Variants in COL4A5 observed in about 807,000 individuals in gnomAD.
COL4A5 encodes collagen type IV alpha 5 chain, also known as collagen alpha-5(IV) chain.
In COL4A5, 26 loss-of-function variants were observed where a neutral mutation model predicts 130.2. The observed-to-expected ratio is 0.20, with a 90% CI of 0.15 to 0.28. COL4A5 has a LOEUF of 0.28. Ranked by LOEUF, COL4A5 falls within the 10% of genes least tolerant of loss-of-function variation. COL4A5 has a pLI of 1.00. For synonymous variants in COL4A5, 496 were observed against 439.6 expected, an observed-to-expected ratio of 1.13 and a Z score of -1.60; for missense variants, 1,131 against 1,344.3, an observed-to-expected ratio of 0.84 and a Z score of 2.48.
At chrX:108,529,968 A>T (rs2065364300) in intron 1 of COL4A5, among the ~76,000 whole-genome samples, 1 of 111,218 alleles carries the variant, frequency 9.0e-6, no homozygotes, top group Admixed American at 9.6e-5. Context: ...GGGTTTCAAC[A>T]CTCCACTCTC....
At chrX:108,460,960 A>G (rs1416729664) in intron 1 of COL4A5, among the ~76,000 whole-genome samples, 1 of 110,165 alleles carries the variant, frequency 9.1e-6, no homozygotes, top group Admixed American at 9.7e-5. Flanking sequence ...TAGACATATC[A>G]TTTTTCTCCA....
intron 42 of COL4A5, chrX:108,670,642 T>G: frequency 3.0e-6 from 1 of 334,079 alleles, no homozygotes; most frequent in Non-Finnish European, 5.8e-6. Flanking sequence ...TATCAGATCT[T>G]GAAAATATGT....
chrX:108,678,724 A>G (rs2068361364), intron 44 of COL4A5, among the ~76,000 whole-genome samples: 2 of 111,023 alleles, frequency 1.8e-5, no homozygotes, highest in African/African-American at 6.5e-5. Flanking sequence ...TTATATAACC[A>G]CAGTACACTT....
intron 1 of COL4A5, among the ~76,000 whole-genome samples, chrX:108,473,007 G>A (rs2064789752): frequency 9.0e-6 from 1 of 111,714 alleles, no homozygotes; most frequent in Non-Finnish European, 1.9e-5. Flanking sequence ...CATTTCTCTG[G>A]TGATTAAAGA....
chrX:108,581,658 G>A (rs73526290), intron 16 of COL4A5, among the ~76,000 whole-genome samples: 11,517 of 110,102 alleles, frequency 0.1, 1,303 homozygotes, highest in African/African-American at 0.34. Flanking sequence ...GTAGCCTTTC[G>A]AATCAGGATC....
chrX:108,571,716 G>C (rs2066067462), intron 7 of COL4A5, 95 bp from the exon 8 acceptor site: 2 of 668,893 alleles, frequency 3.0e-6, no homozygotes, highest in Non-Finnish European at 4.8e-6. Context: ...CGCTACAGCA[G>C]TCTACTCATT....
intron 1 of COL4A5, among the ~76,000 whole-genome samples, chrX:108,446,444 T>G (rs2064452936): frequency 8.9e-6 from 1 of 112,153 alleles, no homozygotes; most frequent in Admixed American, 9.5e-5. Flanking sequence ...TACAGCCGCC[T>G]TCATGGGGAA....
chrX:108,499,901 A>C (rs2065064944), intron 1 of COL4A5, among the ~76,000 whole-genome samples: 1 of 111,775 alleles, frequency 8.9e-6, no homozygotes, highest in African/African-American at 3.2e-5. Context: ...TAATAAATAC[A>C]TGTATGTATA....
chrX:108,662,005 G>A (rs889059707), intron 37 of COL4A5, among the ~76,000 whole-genome samples: 2 of 108,153 alleles, frequency 1.8e-5, no homozygotes, highest in Non-Finnish European at 3.8e-5. Flanking sequence ...CATGTGCCAT[G>A]TTGGTGTGCT....
At chrX:108,606,654 A>G in intron 28 of COL4A5, 88 bp from the exon 29 acceptor site, 1 of 1,016,795 alleles carries the variant, frequency 9.8e-7, no homozygotes. Context: ...ATTGTCTTGT[A>G]TTTTCGGCAT....
chrX:108,663,655 G>T (rs969465399), intron 37 of COL4A5, among the ~76,000 whole-genome samples: 3 of 109,483 alleles, frequency 2.7e-5, no homozygotes, highest in Admixed American at 9.9e-5. Context: ...CTTAGGTGAT[G>T]GTTTGATAGG....
chrX:108,590,458 G>C (rs2066413663), intron 19 of COL4A5, among the ~76,000 whole-genome samples: 1 of 111,223 alleles, frequency 9.0e-6, no homozygotes, highest in South Asian at 3.7e-4. Flanking sequence ...TACTTGATGT[G>C]AAAAACCAAT....
intron 37 of COL4A5, among the ~76,000 whole-genome samples, chrX:108,662,701 AG>A (rs1231557473): frequency 3.6e-5 from 4 of 112,128 alleles, no homozygotes; most frequent in African/African-American, 9.7e-5. Context: ...CCATTCCTCA[AG>A]GAAATAAGGA....
intron 1 of COL4A5, among the ~76,000 whole-genome samples, chrX:108,473,926 G>A (rs1056013240): frequency 9.2e-5 from 10 of 109,217 alleles, no homozygotes; most frequent in Non-Finnish European, 1.9e-4. Flanking sequence ...GCCACTGTGC[G>A]CTGCCAATAA....
chrX:108,616,241 T>G (rs181218007), intron 30 of COL4A5, among the ~76,000 whole-genome samples: 1,600 of 109,946 alleles, frequency 0.015, 24 homozygotes, highest in African/African-American at 0.05. Context: ...TGTTGTTGTT[T>G]TTGTTTTGTT....
chrX:108,494,768 C>T (rs749566135), intron 1 of COL4A5, among the ~76,000 whole-genome samples: 7 of 111,175 alleles, frequency 6.3e-5, no homozygotes, highest in African/African-American at 2.3e-4. Flanking sequence ...GCAAATTTTG[C>T]GCAGTTAACA....
intron 9 of COL4A5, among the ~76,000 whole-genome samples, chrX:108,575,144 C>A (rs2066124635): frequency 9.0e-6 from 1 of 111,456 alleles, no homozygotes; most frequent in South Asian, 3.8e-4. Context: ...TATAGAATTG[C>A]TAGATTGTAG....
chrX:108,549,010 TG>T (rs1317357232), intron 2 of COL4A5, among the ~76,000 whole-genome samples: 1 of 111,634 alleles, frequency 9.0e-6, no homozygotes, highest in Admixed American at 9.5e-5. Flanking sequence ...TCTCACTAGA[TG>T]GATGTGTGAA....
At chrX:108,575,684 A>G (rs1019947537) in intron 9 of COL4A5, among the ~76,000 whole-genome samples, 5 of 111,593 alleles carry the variant, frequency 4.5e-5, no homozygotes, top group African/African-American at 1.6e-4. Flanking sequence ...TAAAAATACG[A>G]TAATTAGCCG....
Sources: gnomAD v4.1 joint callset for allele counts (sites outside exome capture counted in the v4.1 genomes callset) on GRCh38, gnomAD v4.1.1 for gene constraint, MANE v1.5 for transcripts, NCBI Gene and HGNC (gene_info 2026-07-23, HGNC 2026-07-21) for gene names.